The following STX3 variants were observed in gnomAD, a reference collection of about 807,000 sequenced individuals.
The protein encoded by STX3 is syntaxin-3.
Under a neutral mutation model 40.2 loss-of-function variants are expected in STX3, and 19 were observed. The ratio of observed to expected loss-of-function variants is 0.47; its 90% confidence interval spans 0.33 to 0.69. The LOEUF (loss-of-function observed/expected upper bound fraction) is 0.69, where lower values mean the gene tolerates loss of function less well. Ranked by LOEUF, STX3 falls within the 30% of genes least tolerant of loss-of-function variation. The pLI is 0.02. For synonymous variants in STX3, 122 were observed against 132.2 expected (o/e 0.92, Z 0.53); for missense variants, 364 against 366.7 (o/e 0.99, Z 0.06).
At chr11:59,793,076 G>T in intron 6 of STX3, 23 bp from the exon 7 acceptor site, 1 of 1,611,034 alleles carries the variant, frequency 6.2e-7, no homozygotes, top group Non-Finnish European at 8.5e-7. Flanking sequence ...TATATTTGAC[G>T]CTCTACTTCT....
intron 10 of STX3, chr11:59,800,478 A>AG (rs1865823043): frequency 1.0e-6 from 1 of 985,288 alleles, no homozygotes. Context: ...GAAAGGCAGC[A>AG]GGGAGTTCAT....
chr11:59,791,242 C>T (rs1018440410), intron 5 of STX3, among the ~76,000 whole-genome samples: 13 of 152,136 alleles, frequency 8.5e-5, no homozygotes, highest in South Asian at 8.3e-4. Flanking sequence ...GGTGGGTAGA[C>T]GTAAGGGGCA....
intron 1 of STX3, among the ~76,000 whole-genome samples, chr11:59,757,170 G>T (rs1411905998): frequency 6.6e-6 from 1 of 152,158 alleles, no homozygotes; most frequent in African/African-American, 2.4e-5. Context: ...TAGGAGGGAT[G>T]CTCCAGGACA....
chr11:59,789,064 C>A, intron 4 of STX3, 117 bp downstream of exon 4: 1 of 906,894 alleles, frequency 1.1e-6, no homozygotes, highest in Non-Finnish European at 1.7e-6. Context: ...CTTGGTCCAT[C>A]TTTGCTTGTG....
In STX3 at chr11:59,755,404, G is replaced by C. The variant is rs528254048; in HGVS notation, c.-202G>C. The C allele has an allele frequency of 2.4e-6, 1 of 422,704 alleles. No homozygotes were observed. The highest frequency in any genetic ancestry group is 3.9e-6 in the Non-Finnish European group (1 of 256,468). The allele number at this position is 422,704 out of a possible 1,614,324, so 26.2% of individuals were successfully genotyped here. A position where few individuals can be genotyped will look rare whatever the true frequency, so the allele number is the denominator to read the frequency against. The stretch of plus-strand genomic sequence containing the variant: ...TTTGGAGCGCGAGGCGCCGGTGGGG[G>C]CGGAGGGGGCTGCGCGGCGGAGGCT... On this transcript the variant is annotated 5_prime_UTR_variant, in exon 1 of 11. Transcript: ENST00000337979.
At position 59,801,647 on chromosome 11, in the gene STX3, A is replaced by AT. The variant is rs1865892030; in HGVS notation, c.*827dup. ...GTCTTGGGGCCAAAAATAATCAGGGATTTTAAATTGGGCAAGGGACAAGGT... is the reference window on the plus strand; with the variant it reads ...GTCTTGGGGCCAAAAATAATCAGGGATTTTTAAATTGGGCAAGGGACAAGGT... On this transcript the variant is annotated 3_prime_UTR_variant, in exon 11 of 11. Coordinates refer to ENST00000337979, the MANE Select transcript of STX3 (RefSeq NM_004177.5). 1.2e-5 allele frequency: 12 copies of AT among 985,708 alleles called. No homozygotes were observed. The highest frequency in any genetic ancestry group is 1.4e-5 in the Non-Finnish European group (12 of 829,944). 61.1% of individuals were successfully genotyped at this position (985,708 alleles called of 1,614,324 possible). A position where few individuals can be genotyped will look rare whatever the true frequency, so the allele number is the denominator to read the frequency against.
chr11:59,764,367 C>G (rs1863185036), intron 1 of STX3, among the ~76,000 whole-genome samples: 1 of 152,142 alleles, frequency 6.6e-6, no homozygotes, highest in Admixed American at 6.6e-5. Context: ...ATCCTTGCAA[C>G]AATTCTATGA....
intron 2 of STX3, among the ~76,000 whole-genome samples, chr11:59,783,397 C>T (rs956284688): frequency 6.6e-6 from 1 of 152,166 alleles, no homozygotes; most frequent in Non-Finnish European, 1.5e-5. Context: ...GAGTAAATTT[C>T]TCTACTTCTT....
intron 2 of STX3, among the ~76,000 whole-genome samples, chr11:59,777,351 C>A (rs775059820): frequency 2.8e-4 from 42 of 152,214 alleles, no homozygotes; most frequent in Admixed American, 6.5e-5. Context: ...CCGGATAATT[C>A]TGTTGCCTAC....
intron 2 of STX3, among the ~76,000 whole-genome samples, chr11:59,785,338 T>G (rs919087937): frequency 6.6e-6 from 1 of 152,122 alleles, no homozygotes; most frequent in Non-Finnish European, 1.5e-5. Flanking sequence ...CCTTTTTTTT[T>G]GTTTGTTTTT....
At chr11:59,788,174 C>T (rs1422623803) in intron 3 of STX3, among the ~76,000 whole-genome samples, 1 of 152,238 alleles carries the variant, frequency 6.6e-6, no homozygotes, top group Non-Finnish European at 1.5e-5. Context: ...TCCTGCTCAT[C>T]TCCATCTTTA....
chr11:59,799,951 G>C, intron 10 of STX3: 3 of 985,278 alleles, frequency 3.0e-6, no homozygotes, highest in Non-Finnish European at 3.6e-6. Context: ...TATAAGAGTT[G>C]TTATTTTTCC....
chr11:59,777,818 C>T (rs1864069875), intron 2 of STX3, among the ~76,000 whole-genome samples: 2 of 152,140 alleles, frequency 1.3e-5, no homozygotes, highest in African/African-American at 4.8e-5. Context: ...CTGACAGATT[C>T]TGTGGAGTAG....
intron 2 of STX3, among the ~76,000 whole-genome samples, chr11:59,774,000 A>AAAAG (rs1863811870): frequency 7.4e-6 from 1 of 134,682 alleles, no homozygotes; most frequent in Non-Finnish European, 1.6e-5. Context: ...AAAAAAAAAA[A>AAAAG]TTATAGTCCC....
rs1021865962 is a variant in STX3, at chr11:59,800,943, C to G, written c.*119C>G. 32 of 1,535,906 alleles carry G rather than the reference C, an allele frequency of 2.1e-5. No homozygotes were observed. Among genetic ancestry groups the G allele is most frequent in the Non-Finnish European group, 2.6e-5 (30 of 1,146,780 alleles). ...GGCCTTCCTGAGAGCGAGTGCGACC[C>G]GTTCCTTTGTTTCCTTGCAACCACC... On this transcript the variant is annotated 3_prime_UTR_variant, in exon 11 of 11. Transcript: ENST00000337979.
chr11:59,796,272 T>A lies in STX3; in HGVS notation c.786+790T>A, dbSNP rs1865512895. On this transcript the variant is annotated intron_variant, in intron 9 of 10. Coordinates refer to ENST00000337979, the MANE Select transcript of STX3 (RefSeq NM_004177.5). ...ACTGGGATTCAAGTTCAGATCCCAA[T>A]CATTCTGTTTCTACCACACCACTGT... 2.6e-5 allele frequency among the ~76,000 whole-genome samples: 4 copies of A among 152,320 alleles called. No individual in the cohort carries two copies. In the South Asian group the frequency reaches 6.2e-4, roughly 24 times the overall value.
At chr11:59,792,954 A>G (rs755643845) in intron 6 of STX3, 145 bp from the exon 7 acceptor site, 1 of 722,360 alleles carries the variant, frequency 1.4e-6, no homozygotes, top group Non-Finnish European at 2.4e-6. Flanking sequence ...TAGGGCAGAA[A>G]TAAGATGAGT....
In STX3 at chr11:59,803,004, ACCAAACAT is replaced by A. The variant is rs1193296285; in HGVS notation, c.*2183_*2190del. The A allele has an allele frequency of 1.0e-6, 1 of 962,400 alleles. No individual in the cohort carries two copies. The highest frequency in any genetic ancestry group is 1.2e-6 in the Non-Finnish European group (1 of 817,330). 59.6% of individuals were successfully genotyped at this position (962,400 alleles called of 1,614,324 possible). ...GTTATCTAGAAGGTGGAATGACCAT[ACCAAACAT>A]CCTTTTAATCTAACTTGAATGTCTC... is the stretch of plus-strand genomic sequence containing the variant. On this transcript the variant is annotated 3_prime_UTR_variant, in exon 11 of 11. Coordinates refer to ENST00000337979, the MANE Select transcript of STX3 (RefSeq NM_004177.5).
chr11:59,789,784 G>A (rs1268894818), intron 4 of STX3, among the ~76,000 whole-genome samples: 1 of 152,088 alleles, frequency 6.6e-6, no homozygotes, highest in Non-Finnish European at 1.5e-5. Context: ...ATATATAAAT[G>A]CAAGAGATAT....
Sources: allele counts gnomAD v4.1 joint callset (sites outside exome capture counted in the v4.1 genomes callset), GRCh38; gene constraint gnomAD v4.1.1; transcripts MANE v1.5; gene names NCBI Gene and HGNC (gene_info 2026-07-23, HGNC 2026-07-21).